LY86: variants seen among roughly 807,000 people sequenced by gnomAD.
The protein encoded by LY86 is lymphocyte antigen 86.
A neutral mutation model predicts 17.3 loss-of-function variants in LY86; 20 were observed. That is an observed-to-expected ratio of 1.15 (90% CI 0.81 to 1.68). The LOEUF (loss-of-function observed/expected upper bound fraction) is 1.68. Ranked by LOEUF, LY86 falls within the 40% of genes most tolerant of loss-of-function variation. LY86 has a pLI of 0.00. For missense variants in LY86, 200 were observed against 191.9 expected, an observed-to-expected ratio of 1.04 and a Z score of -0.25; for synonymous variants, 74 against 70.6, an observed-to-expected ratio of 1.05 and a Z score of -0.24.
chr6:6,610,951 A>G (rs113706218), intron 1 of LY86, among the ~76,000 whole-genome samples: 176 of 152,346 alleles, frequency 1.2e-3, no homozygotes, highest in African/African-American at 4.0e-3. Context: ...TTGAAAATAT[A>G]TAGGAAGAAG....
chr6:6,614,221 G>C (rs541680092), intron 1 of LY86, among the ~76,000 whole-genome samples: 23 of 152,254 alleles, frequency 1.5e-4, no homozygotes, highest in African/African-American at 5.5e-4. Context: ...AGCCGCAGAA[G>C]AACCACACCC....
chr6:6,629,331 T>C (rs1011903512), intron 3 of LY86, among the ~76,000 whole-genome samples: 2 of 152,220 alleles, frequency 1.3e-5, no homozygotes, highest in African/African-American at 4.8e-5. Context: ...TTTTGGATAA[T>C]TAAATTGTTT....
chr6:6,625,454 C>T (rs1761769276), intron 2 of LY86, among the ~76,000 whole-genome samples: 1 of 152,142 alleles, frequency 6.6e-6, no homozygotes, highest in Non-Finnish European at 1.5e-5. Context: ...TTGACATCGG[C>T]AAGGAGGAGA....
chr6:6,639,996 C>G (rs1384792048), intron 3 of LY86, among the ~76,000 whole-genome samples: 8 of 152,190 alleles, frequency 5.3e-5, no homozygotes, highest in African/African-American at 1.9e-4. Context: ...AATGCGCTTG[C>G]TCACAAATCT....
chr6:6,628,814 G>A (rs1761849477), intron 3 of LY86, among the ~76,000 whole-genome samples: 1 of 152,204 alleles, frequency 6.6e-6, no homozygotes, highest in Non-Finnish European at 1.5e-5. Context: ...TTGTTTTATT[G>A]CATTTGCCTG....
At chr6:6,651,183 G>C (rs1269542941) in intron 4 of LY86, among the ~76,000 whole-genome samples, 2 of 152,156 alleles carry the variant, frequency 1.3e-5, no homozygotes, top group East Asian at 3.8e-4. Context: ...AATAAGCATG[G>C]GGGTGCAATT....
rs556329060 is a variant in LY86 at position 6,649,270 on chromosome 6, T to C, written c.353-355T>C. On this transcript the variant is annotated intron_variant, in intron 3 of 4. Coordinates refer to ENST00000230568, the MANE Select transcript of LY86 (RefSeq NM_004271.4). ...CCCCCATGATTCAGTTACCTCCCAC[T>C]GGGTCCCTCCCATGACATGCAGGAA... is the stretch of plus-strand genomic sequence containing the variant. Among the ~76,000 whole-genome samples the C allele has an allele frequency of 4.6e-5, 7 of 152,338 alleles. No homozygotes were observed. In the South Asian group the frequency reaches 1.2e-3, roughly 27 times the overall value.
chr6:6,598,342 TTA>T (rs1760784841), intron 1 of LY86, among the ~76,000 whole-genome samples: 2 of 151,712 alleles, frequency 1.3e-5, no homozygotes, highest in South Asian at 4.1e-4. Flanking sequence ...GAGTTTACAT[TTA>T]TCTCTTTATT....
At chr6:6,601,737 A>G (rs1193146687) in intron 1 of LY86, among the ~76,000 whole-genome samples, 1 of 152,138 alleles carries the variant, frequency 6.6e-6, no homozygotes, top group African/African-American at 2.4e-5. Flanking sequence ...AAAGAAAAAA[A>G]AAGAAATATA....
chr6:6,640,959 GA>G (rs1762031907), intron 3 of LY86, among the ~76,000 whole-genome samples: 1 of 152,246 alleles, frequency 6.6e-6, no homozygotes, highest in Non-Finnish European at 1.5e-5. Flanking sequence ...CGGACAGGGA[GA>G]GATATCAAAG....
At chr6:6,606,511 C>G (rs995800722) in intron 1 of LY86, among the ~76,000 whole-genome samples, 1 of 152,142 alleles carries the variant, frequency 6.6e-6, no homozygotes, top group Non-Finnish European at 1.5e-5. Flanking sequence ...ACCGGGGCGC[C>G]GTGTAGCAGG....
intron 1 of LY86, among the ~76,000 whole-genome samples, chr6:6,602,491 TTTGCTTAAATA>T (rs1430441581): frequency 2.0e-5 from 3 of 152,218 alleles, no homozygotes; most frequent in African/African-American, 4.8e-5. Flanking sequence ...ATTACAGGAA[TTTGCTTAAATA>T]TTGCTTAAGT....
At chr6:6,623,658 AT>A (rs1464184938) in intron 1 of LY86, among the ~76,000 whole-genome samples, 3 of 152,196 alleles carry the variant, frequency 2.0e-5, no homozygotes, top group African/African-American at 7.2e-5. Context: ...CTTACTGTGG[AT>A]CAGACTGTGA....
rs1429353284 is a variant in LY86, at chr6:6,615,252, G to T, written c.137-9674G>T. Among the ~76,000 whole-genome samples the T allele has an allele frequency of 2.0e-5, 3 of 152,178 alleles. No homozygotes were observed. In the South Asian group the frequency reaches 6.2e-4, roughly 32 times the overall value. ...TCAGACTGTCTGGGGTGGAACTCAG[G>T]CATGGGTATTTTCACAGCACTCTCC... On this transcript the variant is annotated intron_variant, in intron 1 of 4. Coordinates refer to ENST00000230568, the MANE Select transcript of LY86 (RefSeq NM_004271.4).
intron 1 of LY86, among the ~76,000 whole-genome samples, chr6:6,614,499 C>T (rs1207597513): frequency 6.6e-6 from 1 of 152,050 alleles, no homozygotes; most frequent in African/African-American, 2.4e-5. Context: ...ATACCAGGCT[C>T]TCTGGTCTTG....
At chr6:6,649,414 C>T (rs1362567775) in intron 3 of LY86, among the ~76,000 whole-genome samples, 1 of 152,192 alleles carries the variant, frequency 6.6e-6, no homozygotes, top group African/African-American at 2.4e-5. Context: ...CAGGGCCTGC[C>T]ACATGGAAGG....
At chr6:6,613,785 G>A (rs9405953) in intron 1 of LY86, among the ~76,000 whole-genome samples, 3 of 152,182 alleles carry the variant, frequency 2.0e-5, no homozygotes, top group African/African-American at 4.8e-5. Flanking sequence ...AGGGCTGCCA[G>A]CATGCTGTCA....
chr6:6,628,564 GTC>G (rs1400537163), intron 3 of LY86, among the ~76,000 whole-genome samples: 3 of 151,782 alleles, frequency 2.0e-5, no homozygotes, highest in Non-Finnish European at 4.4e-5. Flanking sequence ...CTCTCTCTCT[GTC>G]TCTCTCTGAA....
At chr6:6,643,569 C>T (rs1213254599) in intron 3 of LY86, among the ~76,000 whole-genome samples, 1 of 152,216 alleles carries the variant, frequency 6.6e-6, no homozygotes, top group Non-Finnish European at 1.5e-5. Context: ...TGAGTAAGTT[C>T]TGGAGACCTA....
Sources: allele counts gnomAD v4.1 joint callset (sites outside exome capture counted in the v4.1 genomes callset), GRCh38; gene constraint gnomAD v4.1.1; transcripts MANE v1.5; gene names NCBI Gene and HGNC (gene_info 2026-07-23, HGNC 2026-07-21).